KALRN: variants seen among roughly 807,000 people sequenced by gnomAD.
KALRN encodes the protein kalirin RhoGEF kinase.
A neutral mutation model predicts 353.7 loss-of-function variants in KALRN; 70 were observed. The observed-to-expected ratio is 0.20, with a 90% CI of 0.16 to 0.24. KALRN has a LOEUF of 0.24. Among genes scored for constraint, KALRN ranks in the 10% least tolerant of loss-of-function variants. The pLI, the probability that KALRN is intolerant of heterozygous loss-of-function variation, is 1.00. For synonymous variants in KALRN, 1,391 were observed against 1,434.8 expected (o/e 0.97, Z 0.69); for missense variants, 2,791 against 3,756.7 (o/e 0.74, Z 6.72).
At chr3:124,555,467 T>C (rs771231598) in intron 33 of KALRN, among the ~76,000 whole-genome samples, 66 of 148,896 alleles carry the variant, frequency 4.4e-4, no homozygotes, top group Non-Finnish European at 8.8e-4. Context: ...ATAAATAAAG[T>C]TATCTTGTTT....
chr3:124,146,572 A>G (rs367982818), intron 1 of KALRN, among the ~76,000 whole-genome samples: 1 of 152,090 alleles, frequency 6.6e-6, no homozygotes, highest in Non-Finnish European at 1.5e-5. Context: ...CAGATGTTCT[A>G]TCGGATGTTA....
At position 124,295,108 on chromosome 3, in the gene KALRN, G is replaced by A. The variant is rs112445977; in HGVS notation, c.970-3683G>A. On this transcript the variant is annotated intron_variant, in intron 5 of 59. Transcript: ENST00000682506. Reference sequence around the variant, plus strand: ...AACAGAGATGACTATGAACCTTGCAGACAGCCAGCCTTGCAGGGGTGAGGA... The same window carrying A: ...AACAGAGATGACTATGAACCTTGCAAACAGCCAGCCTTGCAGGGGTGAGGA... 8.3e-3 allele frequency among the ~76,000 whole-genome samples: 1,272 copies of A among 152,344 alleles called. 23 individuals carry two copies. The highest frequency in any genetic ancestry group is 0.029 in the African/African-American group (1,207 of 41,576).
At chr3:124,518,790 G>T (rs1474683060) in intron 33 of KALRN, 1 of 1,248,214 alleles carries the variant, frequency 8.0e-7, no homozygotes, top group African/African-American at 1.5e-5. Context: ...AGAACAGCAG[G>T]TACGCCCAGG....
Position 124,334,305 on chromosome 3 carries a change from G to A in KALRN, c.1457G>A (p.Arg486Gln), listed in dbSNP as rs763644292. 10 of 1,614,224 alleles carry A rather than the reference G, an allele frequency of 6.2e-6. No individual in the cohort carries two copies. Among genetic ancestry groups the A allele is most frequent in the Admixed American group, 1.7e-5 (1 of 60,030 alleles). Residue 486 changes from arginine to glutamine, a missense_variant, in exon 9 of 60, where the codon CGG (arginine) becomes CAG (glutamine). By Grantham distance (43) the Arg-to-Gln change is conservative. Around this residue, in one of 11 missense-constraint regions of KALRN, gnomAD observed 366 missense variants for 489.2 expected, o/e 0.75. Coordinates refer to ENST00000682506, the MANE Select transcript of KALRN (RefSeq NM_001388419.1). The surrounding 1 kb of genome is among the most constrained non-coding windows in gnomAD (Gnocchi z 4.2). ...AAAGCACTACTTGATGTGCTGCAGC[G>A]GCCCCTGAGCCCTGGGAACTCCGAA... ...DGKALLDVLQ[R>Q]PLSPGNSESL...
At chr3:124,403,217 A>G (rs565345815) in intron 13 of KALRN, among the ~76,000 whole-genome samples, 2 of 152,334 alleles carry the variant, frequency 1.3e-5, no homozygotes, top group African/African-American at 4.8e-5. Flanking sequence ...CCAGTCTACT[A>G]ATGAAAATCC....
chr3:124,540,592 A>C (rs1162590862), intron 33 of KALRN, among the ~76,000 whole-genome samples: 1 of 152,164 alleles, frequency 6.6e-6, no homozygotes, highest in Non-Finnish European at 1.5e-5. Flanking sequence ...TTTTAGTCCA[A>C]CCCTTTTGTT....
intron 21 of KALRN, among the ~76,000 whole-genome samples, chr3:124,448,959 A>G (rs2058509751): frequency 6.6e-6 from 1 of 152,160 alleles, no homozygotes; most frequent in African/African-American, 2.4e-5. Context: ...TTGGCTGTCT[A>G]TGTTCTCTGT....
At position 124,627,542 on chromosome 3, in the gene KALRN, G is replaced by A. The variant is rs2080097610; in HGVS notation, c.5183-4878G>A. Among the ~76,000 whole-genome samples the A allele has an allele frequency of 2.6e-5, 4 of 152,310 alleles. No individual in the cohort carries two copies. In the South Asian group the frequency reaches 8.3e-4, roughly 32 times the overall value. On this transcript the variant is annotated intron_variant, in intron 34 of 59. Transcript: ENST00000682506. ...CATCTGTCTCGCCTGGTAACGCAAGGCACAGTTAATGTGGCCGGACTTCTA... is the reference window on the plus strand; with the variant it reads ...CATCTGTCTCGCCTGGTAACGCAAGACACAGTTAATGTGGCCGGACTTCTA...
chr3:124,105,313 G>C (rs947223524), intron 1 of KALRN, among the ~76,000 whole-genome samples: 1 of 152,178 alleles, frequency 6.6e-6, no homozygotes, highest in African/African-American at 2.4e-5. Flanking sequence ...TTGAGTTTTA[G>C]ATGATTACAA....
chr3:124,448,857 AG>A lies in KALRN; in HGVS notation c.3552+1974del, dbSNP rs1225829399. On this transcript the variant is annotated intron_variant, in intron 21 of 59. Transcript: ENST00000682506. ...ACCTAACTGCATTTTACACATTCAA[AG>A]GAGGCTACAACCATTCAAGACCATA... 6.6e-5 allele frequency among the ~76,000 whole-genome samples: 10 copies of A among 152,240 alleles called. No individual in the cohort carries two copies. The East Asian group carries it at 1.9e-3, about 29-fold the overall frequency.
chr3:124,355,562 G>A (rs2149630463), intron 10 of KALRN, among the ~76,000 whole-genome samples: 1 of 152,236 alleles, frequency 6.6e-6, no homozygotes, highest in Non-Finnish European at 1.5e-5. Flanking sequence ...TAATTCAGGT[G>A]TAACTTCTAA....
intron 14 of KALRN, among the ~76,000 whole-genome samples, chr3:124,420,436 AT>A (rs1376471573): frequency 6.6e-6 from 1 of 152,238 alleles, no homozygotes; most frequent in East Asian, 1.9e-4. Context: ...TGGATCTTAA[AT>A]TGCATTTCCA....
At chr3:124,539,948 C>A (rs2068864318) in intron 33 of KALRN, among the ~76,000 whole-genome samples, 1 of 150,890 alleles carries the variant, frequency 6.6e-6, no homozygotes, top group African/African-American at 2.4e-5. Flanking sequence ...GTCTCACTGT[C>A]ACCCAGGCTG....
At chr3:124,458,861 G>A (rs1463185161) in intron 23 of KALRN, among the ~76,000 whole-genome samples, 1 of 152,148 alleles carries the variant, frequency 6.6e-6, no homozygotes, top group Non-Finnish European at 1.5e-5. Context: ...TTGAACCCAG[G>A]AGGCAGAGGT....
rs755345910 is a variant in KALRN, at chr3:124,413,558, G to A, written c.2435G>A (p.Arg812Gln). 8 of 1,613,970 alleles carry A rather than the reference G, an allele frequency of 5.0e-6. No homozygotes were observed. Among genetic ancestry groups the A allele is most frequent in the East Asian group, 2.2e-5 (1 of 44,880 alleles). ...NTEDLTLAEQ[R>Q]LQRHTERKLA... ...GAGGACCTAACCCTGGCAGAACAGC[G>A]GCTGCAGCGCCACACAGAACGGAAG... Residue 812 changes from arginine to glutamine, a missense_variant, in exon 14 of 60, where the codon CGG (arginine) becomes CAG (glutamine). Physicochemically the swap from Arg to Gln is conservative, Grantham distance 43 (BLOSUM62 1). Coordinates refer to ENST00000682506, the MANE Select transcript of KALRN (RefSeq NM_001388419.1).
intron 1 of KALRN, among the ~76,000 whole-genome samples, chr3:124,083,061 A>C (rs2060625399): frequency 6.6e-6 from 1 of 152,220 alleles, no homozygotes; most frequent in Admixed American, 6.5e-5. Flanking sequence ...AAACTCTGTG[A>C]GCTCTTGGAG....
intron 51 of KALRN, among the ~76,000 whole-genome samples, chr3:124,689,116 A>T (rs182842711): frequency 7.9e-5 from 12 of 152,360 alleles, no homozygotes; most frequent in Non-Finnish European, 1.0e-4. Flanking sequence ...TTGGCCCAGC[A>T]TTCTCTTGTG....
intron 33 of KALRN, among the ~76,000 whole-genome samples, chr3:124,521,068 G>T (rs1158060125): frequency 6.6e-6 from 1 of 152,178 alleles, no homozygotes; most frequent in Non-Finnish European, 1.5e-5. Flanking sequence ...TGCCCTCGGG[G>T]TGCAGACCAG....
chr3:124,628,742 ATTTTTTTTTT>A (rs58523719), intron 34 of KALRN, among the ~76,000 whole-genome samples: 4,433 of 99,984 alleles, frequency 0.044, 73 homozygotes, highest in East Asian at 0.081. Context: ...CACCTGGCTA[ATTTTTTTTTT>A]TTTTTTTTTT....
Sources: gnomAD v4.1 joint callset for allele counts (sites outside exome capture counted in the v4.1 genomes callset) on GRCh38, gnomAD v4.1.1 for gene constraint, gnomAD v4.1.1 regional missense constraint, Gnocchi (gnomAD v3.1) non-coding constraint, MANE v1.5 for transcripts, NCBI Gene and HGNC (gene_info 2026-07-23, HGNC 2026-07-21) for gene names.